The following SEC14L1 variants were observed in gnomAD, a reference collection of about 807,000 sequenced individuals.
The protein encoded by SEC14L1 is SEC14 like lipid binding 1, also known as SEC14-like protein 1.
Under a neutral mutation model 85.3 loss-of-function variants are expected in SEC14L1, and 48 were observed. The ratio of observed to expected loss-of-function variants is 0.56; its 90% CI spans 0.45 to 0.72. The LOEUF is 0.72. SEC14L1 is among the 30% of genes least tolerant of loss of function. SEC14L1 has a pLI of 0.00. For synonymous variants in SEC14L1, 391 were observed against 355.5 expected, an observed-to-expected ratio of 1.10 and a Z score of -1.12; for missense variants, 682 against 921.4, an observed-to-expected ratio of 0.74 and a Z score of 3.36.
At chr17:77,186,487 C>G (rs1212729569) in intron 3 of SEC14L1, among the ~76,000 whole-genome samples, 2 of 152,266 alleles carry the variant, frequency 1.3e-5, no homozygotes, top group Non-Finnish European at 2.9e-5. Context: ...GCTTATCCTT[C>G]TGACCCTCAT....
At chr17:77,198,564 TG>T (rs1359479927) in intron 8 of SEC14L1, among the ~76,000 whole-genome samples, 1 of 151,940 alleles carries the variant, frequency 6.6e-6, no homozygotes, top group Non-Finnish European at 1.5e-5. Context: ...TGAATTCTGG[TG>T]TATGAGATCT....
In SEC14L1 at chr17:77,206,380, T is replaced by C; in HGVS notation, c.1321T>C (p.Phe441Leu). 6.2e-7 allele frequency: 1 copy of C among 1,614,092 alleles called. No homozygotes were observed. Among genetic ancestry groups the C allele is most frequent in the Non-Finnish European group, 8.5e-7 (1 of 1,179,996 alleles). ...TCTCATCCTGCGGGCGCCCAGGGTA[T>C]TTCCTGTGCTCTGGACGCTGGTGGG... ...RLLILRAPRV[F>L]PVLWTLVSPF... is the part of the protein sequence containing the mutation. Residue 441 changes from phenylalanine to leucine, a missense_variant, in exon 12 of 17, where the codon TTT becomes CTT. Phe to Leu is a conservative substitution (Grantham distance 22, BLOSUM62 0). This residue lies in a region of SEC14L1 where 420 missense variants were observed against 619.5 expected (regional missense o/e 0.68). Transcript: ENST00000436233. The surrounding 1 kb of genome is among the most constrained non-coding windows in gnomAD (Gnocchi z 4.3).
Position 77,175,761 on chromosome 17 carries a change from C to A in SEC14L1, c.64-15042C>A, listed in dbSNP as rs546026927. On this transcript the variant is annotated intron_variant, in intron 3 of 16. Coordinates refer to ENST00000436233, the MANE Select transcript of SEC14L1 (RefSeq NM_001143998.2). ...AGCACATTAGATAATATTATCAAGA[C>A]TTTTCCTGGGTCTCGGCTGTGCCTG... 2.6e-5 allele frequency among the ~76,000 whole-genome samples: 4 copies of A among 152,286 alleles called. No individual in the cohort carries two copies. The East Asian group carries it at 7.7e-4, about 29-fold the overall frequency.
chr17:77,189,998 T>C lies in SEC14L1; in HGVS notation c.64-805T>C, dbSNP rs149520861. Among the ~76,000 whole-genome samples the C allele has an allele frequency of 3.4e-3, 525 of 152,350 alleles. 4 individuals carry two copies. Among genetic ancestry groups the C allele is most frequent in the South Asian group, 0.019 (94 of 4,830 alleles). On this transcript the variant is annotated intron_variant, in intron 3 of 16. Transcript: ENST00000436233. ...TTCATTTTATATATTTTTTCTCCTG[T>C]GGATTGTGATTTTGTTGTCACATCT...
In SEC14L1 at chr17:77,213,506, C is replaced by T. The variant is rs755137439; in HGVS notation, c.2042+14C>T. On this transcript the variant is annotated intron_variant, in intron 16 of 16. Transcript: ENST00000436233. The surrounding 1 kb of genome is among the most constrained non-coding windows in gnomAD (Gnocchi z 7.1). ...GGAGGATTTCAGGTGCGGCCACCCT[C>T]GCCACAGCAGGTGCTGCGGACAGCT... 8.7e-6 allele frequency: 14 copies of T among 1,604,110 alleles called. No individual in the cohort carries two copies. Among genetic ancestry groups the T allele is most frequent in the Admixed American group, 8.3e-5 (5 of 59,992 alleles).
intron 3 of SEC14L1, chr17:77,145,145 A>G (rs1258871852): frequency 1.4e-5 from 2 of 146,974 alleles, no homozygotes; most frequent in African/African-American, 5.0e-5. Context: ...GTATATATAC[A>G]CATATATATT....
At chr17:77,170,537 T>C (rs1974481228) in intron 3 of SEC14L1, among the ~76,000 whole-genome samples, 1 of 152,152 alleles carries the variant, frequency 6.6e-6, no homozygotes, top group Non-Finnish European at 1.5e-5. Flanking sequence ...ACCTGATACA[T>C]AGTTTTTGAG....
At position 77,190,858 on chromosome 17, in the gene SEC14L1, A is replaced by G. The variant is rs529549777; in HGVS notation, c.119A>G (p.Asp40Gly). 6.2e-7 allele frequency: 1 copy of G among 1,614,238 alleles called. No homozygotes were observed. Among genetic ancestry groups the G allele is most frequent in the African/African-American group, 1.3e-5 (1 of 75,062 alleles). ...TTGATTCCGATGTTCGTGGGCAGTG[A>G]CACTGTGAATGAATTCAAGAGCGAA... ...CPLIPMFVGS[D>G]TVNEFKSEDG... The change falls in exon 4 of 17, where the codon GAC becomes GGC. Residue 40 changes from aspartate (D) to glycine (G), a missense_variant. By Grantham distance (94) the Asp-to-Gly change is moderately conservative (BLOSUM62 -1). Transcript: ENST00000436233.
intron 3 of SEC14L1, among the ~76,000 whole-genome samples, chr17:77,101,232 T>C (rs112386769): frequency 0.14 from 20,590 of 152,076 alleles, 1,906 homozygotes; most frequent in Non-Finnish European, 0.2. Flanking sequence ...TTGCCCAGGC[T>C]GGAGTGCAAT....
rs1165509593 is a variant in SEC14L1, at chr17:77,122,602, C to T, written c.-135-20044C>T. On this transcript the variant is annotated intron_variant, in intron 3 of 19. Transcript: ENST00000392476. Reference sequence around the variant, plus strand: ...GATTACAGGCATGAAGCACCATCCCCACCCTATTTTCTTCCTTTGGCATTT... The same window carrying T: ...GATTACAGGCATGAAGCACCATCCCTACCCTATTTTCTTCCTTTGGCATTT... Among the ~76,000 whole-genome samples the T allele has an allele frequency of 2.6e-5, 4 of 152,250 alleles. No homozygotes were observed. The East Asian group carries it at 7.7e-4, about 29-fold the overall frequency.
Position 77,123,056 on chromosome 17 carries a change from G to GT in SEC14L1, c.-135-19578dup, listed in dbSNP as rs576509405. Among the ~76,000 whole-genome samples the GT allele has an allele frequency of 1.3e-3, 179 of 141,938 alleles. 1 individual carries two copies. The highest frequency in any genetic ancestry group is 2.4e-3 in the East Asian group (12 of 4,940). 93.1% of individuals were successfully genotyped at this position (141,938 alleles called of 152,430 possible). A position where few individuals can be genotyped will look rare whatever the true frequency, so the allele number is the denominator to read the frequency against. On this transcript the variant is annotated intron_variant, in intron 3 of 19. Transcript: ENST00000392476. ...TTTGTTGTTTTGTTTTTTTGTTTTT[G>GT]TTTTTTTTTTTTGAGATGGAGTCTC...
In SEC14L1 at chr17:77,206,923, T is replaced by G; in HGVS notation, c.1476+61T>G. 7.0e-7 allele frequency: 1 copy of G among 1,424,786 alleles called. No individual in the cohort carries two copies. The highest frequency in any genetic ancestry group is 9.3e-7 in the Non-Finnish European group (1 of 1,075,166). The allele number at this position is 1,424,786 out of a possible 1,614,324, so 88.3% of individuals were successfully genotyped here. ...CTTATGCAGGTGGGAGAGGTCGGTG[T>G]CGATTTGCACAAATGATTTTCAGAA... On this transcript the variant is annotated intron_variant, in intron 13 of 16. Transcript: ENST00000436233. The surrounding 1 kb of genome is among the most constrained non-coding windows in gnomAD (Gnocchi z 4.3).
upstream of SEC14L1, among the ~76,000 whole-genome samples, chr17:77,136,648 A>G (rs1420550772): frequency 6.6e-6 from 1 of 152,160 alleles, no homozygotes; most frequent in East Asian, 1.9e-4. Context: ...GTGTGCACGC[A>G]TGTGTGTGCA....
At chr17:77,121,618 A>G (rs184232702) in intron 3 of SEC14L1, among the ~76,000 whole-genome samples, 2 of 152,242 alleles carry the variant, frequency 1.3e-5, no homozygotes, top group African/African-American at 2.4e-5. Context: ...CGGCCTCCCA[A>G]AGTGCTGGGA....
intron 3 of SEC14L1, among the ~76,000 whole-genome samples, chr17:77,156,543 C>T (rs976325286): frequency 2.6e-5 from 4 of 151,050 alleles, no homozygotes; most frequent in African/African-American, 4.9e-5. Context: ...CCACTGCACT[C>T]CAGACTGGGC....
chr17:77,189,102 G>A (rs1263350340), intron 3 of SEC14L1, among the ~76,000 whole-genome samples: 1 of 151,966 alleles, frequency 6.6e-6, no homozygotes, highest in Non-Finnish European at 1.5e-5. Context: ...TTAGTGTATG[G>A]ATCTTAATTG....
At chr17:77,161,587 C>T (rs886972288) in intron 3 of SEC14L1, among the ~76,000 whole-genome samples, 2 of 152,072 alleles carry the variant, frequency 1.3e-5, no homozygotes, top group African/African-American at 4.8e-5. Context: ...ATTAAAGGTT[C>T]AAGGACACGT....
intron 3 of SEC14L1, among the ~76,000 whole-genome samples, chr17:77,121,276 G>A (rs1272527665): frequency 1.3e-5 from 2 of 152,220 alleles, no homozygotes; most frequent in African/African-American, 4.8e-5. Context: ...GAGATGTGGA[G>A]AAGTGGTAGG....
intron 3 of SEC14L1, among the ~76,000 whole-genome samples, chr17:77,156,776 AAAAG>A (rs1308191686): frequency 6.6e-6 from 1 of 152,154 alleles, no homozygotes; most frequent in Non-Finnish European, 1.5e-5. Flanking sequence ...TTTATGGTTC[AAAAG>A]AATCTGATGC....
Sources: allele counts gnomAD v4.1 joint callset (sites outside exome capture counted in the v4.1 genomes callset), GRCh38; gene constraint gnomAD v4.1.1; regional missense constraint gnomAD v4.1.1; non-coding constraint Gnocchi (gnomAD v3.1); transcripts MANE v1.5; gene names NCBI Gene and HGNC (gene_info 2026-07-23, HGNC 2026-07-21).